Variants in GLIS3 observed in about 807,000 individuals in gnomAD.
The protein encoded by GLIS3 is zinc finger protein GLIS3.
Under a neutral mutation model 78.6 loss-of-function variants are expected in GLIS3, and 53 were observed. That is an observed-to-expected ratio of 0.67 (90% CI 0.54 to 0.85). The LOEUF (loss-of-function observed/expected upper bound fraction) is 0.85. Ranked by LOEUF, GLIS3 falls within the 40% of genes least tolerant of loss-of-function variation. The pLI is 0.00. For missense variants in GLIS3, 1,703 were observed against 1,231.1 expected, an observed-to-expected ratio of 1.38 and a Z score of -5.74; for synonymous variants, 684 against 509.9, an observed-to-expected ratio of 1.34 and a Z score of -4.60.
the GLIS3 span, among the ~76,000 whole-genome samples, chr9:4,384,655 A>C: frequency 4.6e-5 from 7 of 151,826 alleles, no homozygotes; most frequent in Non-Finnish European, 7.4e-5. Context: ...CCTTATCCCT[A>C]ACCTAAATCA....
intron 2 of GLIS3, among the ~76,000 whole-genome samples, chr9:4,283,915 A>G (rs1827770850): frequency 6.6e-6 from 1 of 152,196 alleles, no homozygotes; most frequent in African/African-American, 2.4e-5. Flanking sequence ...TGTGCCAACC[A>G]TGCAGATCCA....
At chr9:4,198,197 G>A (rs189069457) in intron 2 of GLIS3, among the ~76,000 whole-genome samples, 1 of 151,996 alleles carries the variant, frequency 6.6e-6, no homozygotes, top group Non-Finnish European at 1.5e-5. Context: ...TTCAAAGCAT[G>A]GATTGCAAGC....
At chr9:3,993,704 C>T (rs1820513801) in intron 4 of GLIS3, among the ~76,000 whole-genome samples, 1 of 152,096 alleles carries the variant, frequency 6.6e-6, no homozygotes, top group Non-Finnish European at 1.5e-5. Context: ...TTCCTCATTA[C>T]TAAATATTAT....
intron 2 of GLIS3, among the ~76,000 whole-genome samples, chr9:4,186,919 G>C (rs970705399): frequency 2.6e-5 from 4 of 151,944 alleles, no homozygotes; most frequent in African/African-American, 7.3e-5. Flanking sequence ...GAGTAGGTTG[G>C]GAAAATTTTC....
chr9:4,226,476 G>C (rs1563788402), intron 2 of GLIS3, among the ~76,000 whole-genome samples: 1 of 152,130 alleles, frequency 6.6e-6, no homozygotes. Context: ...GAAAGTTAGG[G>C]TGTGCTATGC....
intron 4 of GLIS3, among the ~76,000 whole-genome samples, chr9:3,952,947 T>C (rs1464677563): frequency 6.6e-6 from 1 of 152,192 alleles, no homozygotes; most frequent in Admixed American, 6.5e-5. Flanking sequence ...TTTTCCCTTA[T>C]GCGAGTCTTA....
intron 2 of GLIS3, among the ~76,000 whole-genome samples, chr9:4,156,968 G>A (rs1414298394): frequency 1.3e-5 from 2 of 152,140 alleles, no homozygotes; most frequent in African/African-American, 4.8e-5. Context: ...AGAAACCTGG[G>A]GGTAGGGTCA....
chr9:4,251,002 T>C (rs1373097303), intron 2 of GLIS3, among the ~76,000 whole-genome samples: 3 of 152,204 alleles, frequency 2.0e-5, no homozygotes, highest in Non-Finnish European at 1.5e-5. Context: ...CTTTTGCATT[T>C]GCTGAGGAGT....
chr9:4,361,026 C>T, the GLIS3 span, among the ~76,000 whole-genome samples: 1 of 152,332 alleles, frequency 6.6e-6, no homozygotes, highest in Middle Eastern at 3.4e-3. Flanking sequence ...CTGAAACAGG[C>T]CACACTTTGC....
Position 4,286,211 on chromosome 9 carries a change from T to C in GLIS3, c.215A>G (p.Asn72Ser), listed in dbSNP as rs946956469. 3 of 1,614,106 alleles carry C rather than the reference T, an allele frequency of 1.9e-6. No homozygotes were observed. The highest frequency in any genetic ancestry group is 2.2e-5 in the East Asian group (1 of 44,894). Residue 72 changes from asparagine (N) to serine (S), a missense_variant, in exon 2 of 11, where the codon AAC (asparagine) becomes AGC (serine). By Grantham distance (46) the Asn-to-Ser change is conservative (BLOSUM62 1). Transcript: ENST00000381971. Reference protein sequence around the residue: ...MPSGGGMAPQNNVAESRIHLP... With the variant: ...MPSGGGMAPQSNVAESRIHLP... Reference sequence around the variant, plus strand: ...ATGGATGCGGCTCTCAGCCACGTTGTTCTGAGGAGCCATCCCTCCTCCTGA... The same window carrying C: ...ATGGATGCGGCTCTCAGCCACGTTGCTCTGAGGAGCCATCCCTCCTCCTGA...
the GLIS3 span, among the ~76,000 whole-genome samples, chr9:4,409,866 C>A: frequency 2.6e-5 from 4 of 152,158 alleles, no homozygotes; most frequent in Non-Finnish European, 5.9e-5. Context: ...ACGTGGCTAC[C>A]GGAAGATCCC....
rs1233468080 is a variant in GLIS3 at position 3,910,968 on chromosome 9, CAG to C, written c.1984-12135_1984-12134del. 2.0e-5 allele frequency among the ~76,000 whole-genome samples: 3 copies of C among 152,304 alleles called. No individual in the cohort carries two copies. The East Asian group carries it at 5.8e-4, about 29-fold the overall frequency. On this transcript the variant is annotated intron_variant, in intron 6 of 10. Transcript: ENST00000381971. The stretch of plus-strand genomic sequence containing the variant: ...CATGTAAATGACATCCAAATATTAA[CAG>C]AGTTAACCAGCTGTCTGACCAGGAC...
intron 4 of GLIS3, among the ~76,000 whole-genome samples, chr9:4,023,449 G>A (rs1315366365): frequency 1.3e-5 from 2 of 152,158 alleles, no homozygotes; most frequent in African/African-American, 4.8e-5. Context: ...TGTCATCAAG[G>A]AAATGTTTGC....
At chr9:3,999,507 A>G (rs1349761836) in intron 4 of GLIS3, among the ~76,000 whole-genome samples, 1 of 152,166 alleles carries the variant, frequency 6.6e-6, no homozygotes, top group Non-Finnish European at 1.5e-5. Flanking sequence ...GTATAAAACA[A>G]TAATGAAAAT....
chr9:4,302,225 T>C (rs1403284956), upstream of GLIS3, among the ~76,000 whole-genome samples: 3 of 152,176 alleles, frequency 2.0e-5, no homozygotes, highest in South Asian at 2.1e-4. Context: ...CCATGAGCTC[T>C]CCATCGTGCT....
chr9:4,230,700 A>T (rs1822181190), intron 2 of GLIS3, among the ~76,000 whole-genome samples: 1 of 152,240 alleles, frequency 6.6e-6, no homozygotes. Context: ...AGGTGAAAGT[A>T]ACTGTGAAAC....
intron 4 of GLIS3, among the ~76,000 whole-genome samples, chr9:3,962,995 A>G (rs1817680784): frequency 6.6e-6 from 1 of 150,736 alleles, no homozygotes. Context: ...GCCACATTTC[A>G]GAGTTGCCAG....
chr9:3,930,786 G>A (rs557450653), intron 6 of GLIS3, among the ~76,000 whole-genome samples: 47 of 152,170 alleles, frequency 3.1e-4, no homozygotes, highest in African/African-American at 1.1e-3. Context: ...ACAACTTGGA[G>A]GCAAAAAATG....
Position 4,278,335 on chromosome 9 carries a change from G to A in GLIS3, c.388+7703C>T, listed in dbSNP as rs556948227. On this transcript the variant is annotated intron_variant, in intron 2 of 10. Transcript: ENST00000381971. ...CCACTAAGAGGGACTTGAGCTTCTTGGGAAAATGCATGATTCCAGGTATGG... is the reference window on the plus strand; with the variant it reads ...CCACTAAGAGGGACTTGAGCTTCTTAGGAAAATGCATGATTCCAGGTATGG... 6.6e-5 allele frequency among the ~76,000 whole-genome samples: 10 copies of A among 152,278 alleles called. No individual in the cohort carries two copies. The South Asian group carries it at 1.0e-3, about 16-fold the overall frequency.
Sources: gnomAD v4.1 joint callset for allele counts (sites outside exome capture counted in the v4.1 genomes callset) on GRCh38, gnomAD v4.1.1 for gene constraint, MANE v1.5 for transcripts, NCBI Gene and HGNC (gene_info 2026-07-23, HGNC 2026-07-21) for gene names.